EXT1: variants seen among roughly 807,000 people sequenced by gnomAD.
EXT1 encodes the protein exostosin glycosyltransferase 1, also known as exostosin-1.
EXT1 carries 20 observed loss-of-function variants against 82.5 expected under a neutral mutation model. The observed-to-expected ratio is 0.24, with a 90% CI of 0.17 to 0.35. The LOEUF (loss-of-function observed/expected upper bound fraction) is 0.35, where lower values mean the gene tolerates loss of function less well. Ranked by LOEUF, EXT1 falls within the 10% of genes least tolerant of loss-of-function variation. EXT1 has a pLI of 1.00. For synonymous variants in EXT1, 348 were observed against 350.8 expected (o/e 0.99, Z 0.09); for missense variants, 757 against 936.5 (o/e 0.81, Z 2.50).
intron 1 of EXT1, among the ~76,000 whole-genome samples, chr8:117,989,566 G>A (rs1586328296): frequency 6.6e-6 from 1 of 152,120 alleles, no homozygotes; most frequent in Non-Finnish European, 1.5e-5. Context: ...TCCTCTCATG[G>A]GGAAGAACAA....
At chr8:118,077,790 T>C (rs1407761942) in intron 1 of EXT1, among the ~76,000 whole-genome samples, 1 of 152,226 alleles carries the variant, frequency 6.6e-6, no homozygotes, top group Admixed American at 6.5e-5. Context: ...GTCCACACTT[T>C]AACAAATATT....
intron 1 of EXT1, among the ~76,000 whole-genome samples, chr8:118,038,760 A>C (rs904248437): frequency 6.6e-6 from 1 of 151,996 alleles, no homozygotes; most frequent in Non-Finnish European, 1.5e-5. Context: ...TAAGCCATAA[A>C]CTCTTCATTA....
chr8:117,901,695 CT>C (rs1362497988), intron 1 of EXT1, among the ~76,000 whole-genome samples: 2 of 151,924 alleles, frequency 1.3e-5, no homozygotes, highest in Non-Finnish European at 2.9e-5. Context: ...ATTTTCTTTC[CT>C]TTTTCCTTTT....
chr8:117,821,587 T>C (rs1811925260), intron 5 of EXT1, among the ~76,000 whole-genome samples: 1 of 152,238 alleles, frequency 6.6e-6, no homozygotes, highest in Non-Finnish European at 1.5e-5. Context: ...TTGTCACTGG[T>C]TGATGCTTCA....
chr8:117,988,613 G>GCTTC (rs1397923329), intron 1 of EXT1, among the ~76,000 whole-genome samples: 3 of 152,162 alleles, frequency 2.0e-5, no homozygotes, highest in African/African-American at 7.2e-5. Flanking sequence ...GCAGGCCTGA[G>GCTTC]CTTCCCACCT....
intron 1 of EXT1, 116 bp downstream of exon 1, chr8:118,109,969 G>A (rs1391823960): frequency 2.0e-6 from 3 of 1,535,536 alleles, no homozygotes; most frequent in Non-Finnish European, 2.7e-6. Context: ...CAGGCTCAAA[G>A]GGGAAAGAGG....
intron 1 of EXT1, among the ~76,000 whole-genome samples, chr8:118,079,133 C>T (rs1339020265): frequency 6.6e-6 from 1 of 152,036 alleles, no homozygotes; most frequent in Non-Finnish European, 1.5e-5. Context: ...GGAAAATAGT[C>T]ATCAAAAACA....
intron 1 of EXT1, among the ~76,000 whole-genome samples, chr8:118,024,456 A>C (rs1468144751): frequency 6.6e-6 from 1 of 152,146 alleles, no homozygotes; most frequent in African/African-American, 2.4e-5. Flanking sequence ...CATTCATTCA[A>C]CTATGATCTA....
At chr8:118,098,818 T>C (rs560823965) in intron 1 of EXT1, among the ~76,000 whole-genome samples, 1 of 150,132 alleles carries the variant, frequency 6.7e-6, no homozygotes, top group Admixed American at 6.6e-5. Context: ...ATCAGAAAAC[T>C]TACCATTTCA....
intron 1 of EXT1, among the ~76,000 whole-genome samples, chr8:118,101,523 A>G (rs1432823330): frequency 2.0e-5 from 3 of 152,256 alleles, no homozygotes; most frequent in African/African-American, 7.2e-5. Context: ...CAAATCCTTG[A>G]TAAACTGCAT....
chr8:117,934,331 T>C (rs1242334372), intron 1 of EXT1, among the ~76,000 whole-genome samples: 1 of 152,142 alleles, frequency 6.6e-6, no homozygotes. Flanking sequence ...AGGGATAGAA[T>C]GGCCCATAGC....
intron 1 of EXT1, among the ~76,000 whole-genome samples, chr8:118,088,330 T>C (rs1396731707): frequency 1.3e-5 from 2 of 152,142 alleles, no homozygotes; most frequent in African/African-American, 4.8e-5. Context: ...GGTAGATCCC[T>C]TCTGAGCCAT....
intron 1 of EXT1, among the ~76,000 whole-genome samples, chr8:117,980,896 T>G (rs576821552): frequency 1.3e-5 from 2 of 152,218 alleles, no homozygotes; most frequent in African/African-American, 4.8e-5. Context: ...GGCACCCCCA[T>G]GCAGCGTGAG....
intron 1 of EXT1, among the ~76,000 whole-genome samples, chr8:117,985,371 T>C (rs576303798): frequency 1.3e-5 from 2 of 152,306 alleles, no homozygotes; most frequent in East Asian, 3.9e-4. Flanking sequence ...CGGGCACCAA[T>C]CCTGCCTGTT....
At chr8:117,906,571 T>C (rs1044844672) in intron 1 of EXT1, among the ~76,000 whole-genome samples, 1 of 152,160 alleles carries the variant, frequency 6.6e-6, no homozygotes, top group Non-Finnish European at 1.5e-5. Flanking sequence ...CCTCAGAAAA[T>C]GTATCCCAAA....
chr8:117,957,588 T>C (rs1386709280), intron 1 of EXT1, among the ~76,000 whole-genome samples: 4 of 152,190 alleles, frequency 2.6e-5, no homozygotes, highest in African/African-American at 9.7e-5. Context: ...TTTCCTCACA[T>C]AGAAGATCAG....
chr8:117,883,005 A>G (rs1563590009), intron 1 of EXT1, among the ~76,000 whole-genome samples: 1 of 152,040 alleles, frequency 6.6e-6, no homozygotes, highest in African/African-American at 2.4e-5. Context: ...AAGAAAGAAA[A>G]AAAATGATAC....
chr8:118,089,508 C>A (rs1252705639), intron 1 of EXT1, among the ~76,000 whole-genome samples: 6 of 152,140 alleles, frequency 3.9e-5, no homozygotes, highest in Non-Finnish European at 7.4e-5. Context: ...AGAAGATAAA[C>A]AGCATGTGCT....
intron 1 of EXT1, among the ~76,000 whole-genome samples, chr8:118,101,107 G>A (rs575418299): frequency 1.3e-5 from 2 of 152,306 alleles, no homozygotes; most frequent in South Asian, 2.1e-4. Context: ...CCACCACCCT[G>A]TAGAACACAT....
Sources: gnomAD v4.1 joint callset for allele counts (sites outside exome capture counted in the v4.1 genomes callset) on GRCh38, gnomAD v4.1.1 for gene constraint, MANE v1.5 for transcripts, NCBI Gene and HGNC (gene_info 2026-07-23, HGNC 2026-07-21) for gene names.